Variants in CD59 observed in about 807,000 individuals in gnomAD.
The protein encoded by CD59 is CD59 glycoprotein.
A neutral mutation model predicts 7.0 loss-of-function variants in CD59; 3 were observed. That is an observed-to-expected ratio of 0.43 (90% CI 0.19 to 1.10). CD59 has a LOEUF of 1.10. Ranked by LOEUF, CD59 falls within the 50% of genes least tolerant of loss-of-function variation. CD59 has a pLI of 0.29. For synonymous variants in CD59, 60 were observed against 62.0 expected (o/e 0.97, Z 0.15); for missense variants, 143 against 151.0 (o/e 0.95, Z 0.28).
chr11:33,731,138 T>A (rs764998437), intron 1 of CD59, among the ~76,000 whole-genome samples: 3 of 152,210 alleles, frequency 2.0e-5, no homozygotes, highest in Non-Finnish European at 4.4e-5. Context: ...AGGCTATTAG[T>A]AATTAAGTTT....
At chr11:33,724,848 G>A (rs895099091) in intron 1 of CD59, among the ~76,000 whole-genome samples, 3 of 152,174 alleles carry the variant, frequency 2.0e-5, no homozygotes, top group Non-Finnish European at 4.4e-5. Flanking sequence ...AGACAGCAGA[G>A]AAAGGAAGTA....
rs1426078548 is a variant in CD59 at position 33,706,805 on chromosome 11, C to G, written c.*3321G>C. 1 of 152,176 alleles carries G rather than the reference C, an allele frequency of 6.6e-6. No individual in the cohort carries two copies. The highest frequency in any genetic ancestry group is 1.5e-5 in the Non-Finnish European group (1 of 68,022). The allele number at this position is 152,176 out of a possible 1,614,324, so 9.4% of individuals were successfully genotyped here. ...GTAACTTTCCAGTAAAAAACAATTGCACTTTGTTTTCTTTTCCAAAAAGAG... is the reference window on the plus strand; with the variant it reads ...GTAACTTTCCAGTAAAAAACAATTGGACTTTGTTTTCTTTTCCAAAAAGAG... On this transcript the variant is annotated 3_prime_UTR_variant, in exon 4 of 4. Transcript: ENST00000642928.
At chr11:33,713,988 T>G (rs569831601) in intron 3 of CD59, among the ~76,000 whole-genome samples, 1 of 152,330 alleles carries the variant, frequency 6.6e-6, no homozygotes, top group Non-Finnish European at 1.5e-5. Context: ...GTGGCCCTTG[T>G]TCAGAACGTC....
At chr11:33,725,285 G>GAAAAAAAAAAAAAAAAAAAAA in intron 1 of CD59, among the ~76,000 whole-genome samples, 1 of 86,472 alleles carries the variant, frequency 1.2e-5, no homozygotes, top group Non-Finnish European at 2.5e-5. Context: ...CCATTTTAAG[G>GAAAAAAAAAAAAAAAAAAAAA]AAAAAAAAAA....
chr11:33,722,021 G>A (rs1324186016), intron 2 of CD59, among the ~76,000 whole-genome samples: 2 of 152,178 alleles, frequency 1.3e-5, no homozygotes, highest in Non-Finnish European at 2.9e-5. Flanking sequence ...ACTGAGCTCA[G>A]ATGGCTCTAA....
At chr11:33,730,392 C>A (rs958649675) in intron 1 of CD59, among the ~76,000 whole-genome samples, 2 of 152,020 alleles carry the variant, frequency 1.3e-5, no homozygotes, top group South Asian at 4.1e-4. Flanking sequence ...CCCACCTGGG[C>A]GACAGAGTAA....
chr11:33,720,398 G>C (rs1440466138), intron 2 of CD59, among the ~76,000 whole-genome samples: 1 of 152,102 alleles, frequency 6.6e-6, no homozygotes, highest in Non-Finnish European at 1.5e-5. Context: ...TGGAAACTGA[G>C]GTCAAAAACA....
intron 2 of CD59, among the ~76,000 whole-genome samples, chr11:33,721,626 G>T (rs1854067044): frequency 6.6e-6 from 1 of 152,192 alleles, no homozygotes; most frequent in Admixed American, 6.5e-5. Flanking sequence ...TGTTATAGAA[G>T]TTGACTCAGA....
rs1853234825 is a variant in CD59, at chr11:33,704,604, C to T, written c.*5522G>A. ...AACTCATTTAACTTTTCTAACAACC[C>T]TAAACCTAGGGTTCTCATTTTCCAG... On this transcript the variant is annotated 3_prime_UTR_variant, in exon 4 of 4. Transcript: ENST00000642928. The T allele has an allele frequency of 6.6e-6, 1 of 152,134 alleles. No individual in the cohort carries two copies. The highest frequency in any genetic ancestry group is 6.5e-5 in the Admixed American group (1 of 15,280). 9.4% of individuals were successfully genotyped at this position (152,134 alleles called of 1,614,324 possible).
chr11:33,712,565 G>C (rs879442884), intron 3 of CD59, among the ~76,000 whole-genome samples: 1 of 152,228 alleles, frequency 6.6e-6, no homozygotes, highest in Non-Finnish European at 1.5e-5. Context: ...CCTTGCATAT[G>C]AAGTGCCCAG....
At position 33,722,391 on chromosome 11, in the gene CD59, A is replaced by C; in HGVS notation, c.55T>G (p.Phe19Val). Residue 19 changes from phenylalanine to valine, a missense_variant, in exon 2 of 4, where the codon TTC becomes GTC. By Grantham distance (50) the Phe-to-Val change is conservative (BLOSUM62 -1). Coordinates refer to ENST00000642928, the MANE Select transcript of CD59 (RefSeq NM_000611.6). ...CTGGAGCACTCACCTGAATGGCAGA[A>C]GACAGCCAGGACGAGCAGCAGCCCG... is the stretch of plus-strand genomic sequence containing the variant. ...LFGLLLVLAV[F>V]CHSGHSLQCY... 5.6e-6 allele frequency: 9 copies of C among 1,612,236 alleles called. No homozygotes were observed. Among genetic ancestry groups the C allele is most frequent in the Non-Finnish European group, 7.6e-6 (9 of 1,178,202 alleles).
intron 1 of CD59, among the ~76,000 whole-genome samples, chr11:33,723,650 C>A (rs1363083211): frequency 1.3e-5 from 2 of 152,242 alleles, no homozygotes; most frequent in East Asian, 3.8e-4. Context: ...CTGAAACCTA[C>A]AGCCTGCTAC....
chr11:33,723,625 A>C (rs2133561155), intron 1 of CD59, among the ~76,000 whole-genome samples: 1 of 152,306 alleles, frequency 6.6e-6, no homozygotes, highest in East Asian at 1.9e-4. Flanking sequence ...AGGGCTCCCC[A>C]CCACCCGCTG....
Position 33,710,146 on chromosome 11 carries a change from C to A in CD59, c.367G>T (p.Ala123Ser). ...TTGACTTAGGGATGAAGGCTCCAGG[C>A]TGCTGCCAGAAATGGAGTCACCAGC... ...LLLVTPFLAA[A>S]WSLHP Residue 123 changes from alanine to serine, a missense_variant, in exon 4 of 4, where the codon GCC becomes TCC. Coordinates refer to ENST00000642928, the MANE Select transcript of CD59 (RefSeq NM_000611.6). The A allele has an allele frequency of 6.2e-7, 1 of 1,613,432 alleles. No individual in the cohort carries two copies. Among genetic ancestry groups the A allele is most frequent in the Non-Finnish European group, 8.5e-7 (1 of 1,179,700 alleles).
At chr11:33,735,492 A>G (rs545877155) in intron 1 of CD59, among the ~76,000 whole-genome samples, 2 of 152,296 alleles carry the variant, frequency 1.3e-5, no homozygotes, top group South Asian at 4.1e-4. Flanking sequence ...CAGTAGGGCA[A>G]TGGCGCGATC....
At chr11:33,734,619 T>C (rs1854511786) in intron 1 of CD59, among the ~76,000 whole-genome samples, 1 of 152,218 alleles carries the variant, frequency 6.6e-6, no homozygotes. Context: ...CTGCAGTTTG[T>C]TCCGGAATGC....
chr11:33,722,558 G>A (rs1854118686), intron 1 of CD59, 95 bp from the exon 2 acceptor site: 2 of 1,552,426 alleles, frequency 1.3e-6, no homozygotes, highest in African/African-American at 1.4e-5. Context: ...AGGCTTCTGA[G>A]AGGAACATTT....
chr11:33,709,417 A>T lies in CD59; in HGVS notation c.*709T>A, dbSNP rs994180381. The stretch of plus-strand genomic sequence containing the variant: ...AGCCAAGATATCCTACCATTCCAAT[A>T]AAAAAAAGGCAAGGAAATAGCTTTA... On this transcript the variant is annotated 3_prime_UTR_variant, in exon 4 of 4. Transcript: ENST00000642928. 6.4e-6 allele frequency: 1 copy of T among 155,328 alleles called. No homozygotes were observed. Among genetic ancestry groups the T allele is most frequent in the Non-Finnish European group, 1.4e-5 (1 of 70,044 alleles). 9.6% of individuals were successfully genotyped at this position (155,328 alleles called of 1,614,324 possible). A position where few individuals can be genotyped will look rare whatever the true frequency, so the allele number is the denominator to read the frequency against.
intron 1 of CD59, 185 bp from the exon 2 acceptor site, chr11:33,722,648 T>C: frequency 6.9e-7 from 1 of 1,444,136 alleles, no homozygotes; most frequent in Non-Finnish European, 9.2e-7. Flanking sequence ...TTGAGTAGGC[T>C]CAGTCCCTAT....
Sources: allele counts gnomAD v4.1 joint callset (sites outside exome capture counted in the v4.1 genomes callset), GRCh38; gene constraint gnomAD v4.1.1; transcripts MANE v1.5; gene names NCBI Gene and HGNC (gene_info 2026-07-23, HGNC 2026-07-21).